HPSE2: variants seen among roughly 807,000 people sequenced by gnomAD.
HPSE2 encodes the protein heparanase 2 (inactive).
In HPSE2, 38 loss-of-function variants were observed where a neutral mutation model predicts 60.5. The observed-to-expected ratio is 0.63, with a 90% confidence interval of 0.48 to 0.82. The LOEUF is 0.82. HPSE2 is among the 40% of genes least tolerant of loss of function. The probability of loss-of-function intolerance (pLI) is 0.00; values close to 1 mark genes in which losing one functional copy is unlikely to be tolerated. For synonymous variants in HPSE2, 295 were observed against 293.2 expected, an observed-to-expected ratio of 1.01 and a Z score of -0.06; for missense variants, 713 against 740.4, an observed-to-expected ratio of 0.96 and a Z score of 0.43.
intron 9 of HPSE2, among the ~76,000 whole-genome samples, chr10:98,559,966 T>C (rs1375510521): frequency 6.6e-6 from 1 of 152,148 alleles, no homozygotes; most frequent in African/African-American, 2.4e-5. Flanking sequence ...ACTGTGCCTG[T>C]ATGTCCTAAA....
intron 2 of HPSE2, among the ~76,000 whole-genome samples, chr10:99,196,533 A>C (rs1056476833): frequency 1.3e-5 from 2 of 152,096 alleles, no homozygotes; most frequent in Non-Finnish European, 2.9e-5. Context: ...TAATAATCTG[A>C]TCAAAAAAAT....
intron 3 of HPSE2, among the ~76,000 whole-genome samples, chr10:98,991,863 T>C (rs11189926): frequency 0.44 from 66,694 of 151,912 alleles, 17,982 homozygotes; most frequent in Non-Finnish European, 0.6. Context: ...TCCACCAACA[T>C]AAAACTGGCT....
At chr10:98,617,959 A>G (rs1366788435) in intron 8 of HPSE2, among the ~76,000 whole-genome samples, 2 of 152,156 alleles carry the variant, frequency 1.3e-5, no homozygotes, top group Non-Finnish European at 2.9e-5. Flanking sequence ...ATATATAAAC[A>G]TTTCAAAAAG....
At chr10:98,769,011 C>T (rs1041974781) in intron 3 of HPSE2, among the ~76,000 whole-genome samples, 2 of 152,172 alleles carry the variant, frequency 1.3e-5, no homozygotes, top group Admixed American at 1.3e-4. Context: ...CGCGCCACTG[C>T]ACTCCAGCCT....
intron 5 of HPSE2, among the ~76,000 whole-genome samples, chr10:98,696,466 C>G (rs1315313250): frequency 6.6e-6 from 1 of 152,108 alleles, no homozygotes; most frequent in Admixed American, 6.6e-5. Context: ...GGCAGGGAAG[C>G]CCCGATCCTC....
At chr10:98,682,616 T>A (rs1947815751) in intron 6 of HPSE2, among the ~76,000 whole-genome samples, 1 of 152,142 alleles carries the variant, frequency 6.6e-6, no homozygotes, top group Non-Finnish European at 1.5e-5. Flanking sequence ...TCATACTACA[T>A]ATCATTAGGC....
chr10:99,238,977 G>A (rs1849907319), upstream of HPSE2, among the ~76,000 whole-genome samples: 1 of 152,014 alleles, frequency 6.6e-6, no homozygotes, highest in Non-Finnish European at 1.5e-5. Context: ...CTGGCAACAT[G>A]GTGAAACCCC....
In HPSE2 at chr10:99,154,531, A is replaced by G. The variant is rs1353921154; in HGVS notation, c.449-10132T>C. Among the ~76,000 whole-genome samples the G allele has an allele frequency of 2.0e-5, 3 of 147,574 alleles. 1 individual carries two copies. The highest frequency in any genetic ancestry group is 7.5e-5 in the African/African-American group (3 of 40,198). ...TTCATAAGTGAAGGAGAAATAAAAT[A>G]CTTTACAGACAAGCAAATGCTGAGA... is the stretch of plus-strand genomic sequence containing the variant. On this transcript the variant is annotated intron_variant, in intron 2 of 11. Coordinates refer to ENST00000370552, the MANE Select transcript of HPSE2 (RefSeq NM_021828.5).
intron 6 of HPSE2, among the ~76,000 whole-genome samples, chr10:98,656,518 G>C (rs925077139): frequency 6.6e-6 from 1 of 152,164 alleles, no homozygotes; most frequent in Admixed American, 6.5e-5. Flanking sequence ...GACAGACAAA[G>C]AGCATTTCTA....
At chr10:98,732,410 A>T (rs1411507795) in intron 4 of HPSE2, among the ~76,000 whole-genome samples, 4 of 152,188 alleles carry the variant, frequency 2.6e-5, no homozygotes, top group Admixed American at 2.0e-4. Context: ...TAATTAAGAC[A>T]ATGTAGTCCT....
intron 2 of HPSE2, among the ~76,000 whole-genome samples, chr10:99,184,439 C>T (rs987175749): frequency 9.3e-5 from 13 of 140,380 alleles, no homozygotes; most frequent in African/African-American, 3.5e-4. Context: ...GCAGTGGAAT[C>T]GCTTGAACCC....
intron 3 of HPSE2, among the ~76,000 whole-genome samples, chr10:99,043,940 T>C (rs1459034861): frequency 6.6e-6 from 1 of 152,280 alleles, no homozygotes; most frequent in South Asian, 2.1e-4. Context: ...GAAAATATAT[T>C]TGAGAATACA....
chr10:98,732,901 A>G (rs1298862797), intron 4 of HPSE2, among the ~76,000 whole-genome samples: 1 of 152,204 alleles, frequency 6.6e-6, no homozygotes, highest in East Asian at 1.9e-4. Context: ...CAGAATATAT[A>G]AAGAACTCTT....
At chr10:99,195,581 AG>A (rs1214486775) in intron 2 of HPSE2, among the ~76,000 whole-genome samples, 1 of 152,100 alleles carries the variant, frequency 6.6e-6, no homozygotes, top group Non-Finnish European at 1.5e-5. Flanking sequence ...AATCTGAAAA[AG>A]AAATCAAGAA....
At chr10:99,025,608 C>T (rs1481758666) in intron 3 of HPSE2, among the ~76,000 whole-genome samples, 1 of 152,084 alleles carries the variant, frequency 6.6e-6, no homozygotes, top group African/African-American at 2.4e-5. Context: ...GAACAAAAAA[C>T]TGAATACCAC....
At chr10:99,038,486 A>G (rs1318628398) in intron 3 of HPSE2, among the ~76,000 whole-genome samples, 1 of 152,180 alleles carries the variant, frequency 6.6e-6, no homozygotes, top group Non-Finnish European at 1.5e-5. Flanking sequence ...GACAGAAAAC[A>G]GATTAGTTGT....
At chr10:98,661,853 C>A (rs749159382) in intron 6 of HPSE2, among the ~76,000 whole-genome samples, 14 of 152,180 alleles carry the variant, frequency 9.2e-5, no homozygotes, top group Non-Finnish European at 1.8e-4. Flanking sequence ...TGGCCTTGGG[C>A]AAGTCAGTTA....
the HPSE2 span, among the ~76,000 whole-genome samples, chr10:99,311,528 G>C: frequency 2.6e-5 from 4 of 152,172 alleles, no homozygotes; most frequent in East Asian, 3.8e-4. Context: ...GGGGTGCCAT[G>C]CCTATGTAAG....
At chr10:98,801,815 C>G (rs985407144) in intron 3 of HPSE2, among the ~76,000 whole-genome samples, 1 of 152,110 alleles carries the variant, frequency 6.6e-6, no homozygotes, top group African/African-American at 2.4e-5. Context: ...ATACCAATGA[C>G]ATTCTTCCTA....
Sources: allele counts gnomAD v4.1 joint callset (sites outside exome capture counted in the v4.1 genomes callset), GRCh38; gene constraint gnomAD v4.1.1; transcripts MANE v1.5; gene names NCBI Gene and HGNC (gene_info 2026-07-23, HGNC 2026-07-21).